Variants in PRMT7 observed in about 807,000 individuals in gnomAD.
The protein encoded by PRMT7 is protein arginine N-methyltransferase 7.
A neutral mutation model predicts 85.4 loss-of-function variants in PRMT7; 75 were observed. That is an observed-to-expected ratio of 0.88 (90% confidence interval 0.73 to 1.06). PRMT7 has a LOEUF of 1.06. Ranked by LOEUF, PRMT7 falls within the 50% of genes least tolerant of loss-of-function variation. The pLI is 0.00. For synonymous variants in PRMT7, 397 were observed against 359.5 expected, an observed-to-expected ratio of 1.10 and a Z score of -1.18; for missense variants, 868 against 915.2, an observed-to-expected ratio of 0.95 and a Z score of 0.67.
intron 17 of PRMT7, 102 bp downstream of exon 17, chr16:68,355,985 G>A: frequency 7.9e-7 from 1 of 1,264,320 alleles, no homozygotes; most frequent in Non-Finnish European, 1.0e-6. Context: ...GCTGACACGT[G>A]GAGGGGGTAT....
rs117881656 is a variant in PRMT7 at position 68,313,307 on chromosome 16, A to T, written c.-84+1131A>T. On this transcript the variant is annotated intron_variant, in intron 2 of 18. Coordinates refer to ENST00000441236, the MANE Select transcript of PRMT7 (RefSeq NM_019023.5). ...GCACGTCTGACACAGGCACATGAAC[A>T]CCCAGTCATCACGCTTATGAACTAC... 2.6e-3 allele frequency among the ~76,000 whole-genome samples: 389 copies of T among 152,290 alleles called. 3 individuals carry two copies. The highest frequency in any genetic ancestry group is 4.8e-3 in the Admixed American group (73 of 15,282).
At chr16:68,311,372 G>A in intron 1 of PRMT7, 1 of 277,842 alleles carries the variant, frequency 3.6e-6, no homozygotes. Context: ...GACCGCAGTA[G>A]CTCCAACCAT....
At chr16:68,323,732 T>C (rs2082774088) in intron 4 of PRMT7, 1 of 152,258 alleles carries the variant, frequency 6.6e-6, no homozygotes, top group Non-Finnish European at 1.5e-5. Context: ...TCTAATGTTA[T>C]TTAACAAATT....
chr16:68,346,006 C>A, intron 10 of PRMT7, 139 bp from the exon 11 acceptor site: 1 of 1,387,570 alleles, frequency 7.2e-7, no homozygotes, highest in Non-Finnish European at 9.8e-7. Flanking sequence ...CTGTTTAGAG[C>A]AGATGCGTAG....
At chr16:68,325,896 G>A (rs959357490) in intron 5 of PRMT7, among the ~76,000 whole-genome samples, 1 of 152,132 alleles carries the variant, frequency 6.6e-6, no homozygotes, top group Non-Finnish European at 1.5e-5. Flanking sequence ...GGGAATGTGC[G>A]GCAAGGTTGA....
chr16:68,331,821 C>A (rs2083952780), intron 6 of PRMT7, among the ~76,000 whole-genome samples: 1 of 152,132 alleles, frequency 6.6e-6, no homozygotes, highest in African/African-American at 2.4e-5. Context: ...CCACTTGATT[C>A]TTTTTCATAA....
At chr16:68,340,036 C>T (rs1296501655) in intron 9 of PRMT7, 68 bp downstream of exon 9, 4 of 1,450,872 alleles carry the variant, frequency 2.8e-6, no homozygotes, top group East Asian at 2.4e-5. Context: ...GGGAAAGTAA[C>T]AGTTGAGCCT....
intron 9 of PRMT7, 109 bp downstream of exon 9, chr16:68,340,077 C>A: frequency 1.6e-6 from 2 of 1,215,966 alleles, no homozygotes; most frequent in South Asian, 1.6e-5. Flanking sequence ...GACAGGAGGG[C>A]TGTGTCAGAA....
downstream of PRMT7, chr16:68,360,687 GGCC>G (rs1253664102): frequency 6.4e-6 from 1 of 156,606 alleles, no homozygotes; most frequent in Non-Finnish European, 1.4e-5. Context: ...GAGAGCTGGT[GGCC>G]GTGCCCAGGA....
At chr16:68,321,365 G>A in intron 3 of PRMT7, 61 bp from the exon 4 acceptor site, 3 of 1,351,582 alleles carry the variant, frequency 2.2e-6, no homozygotes, top group Non-Finnish European at 3.1e-6. Context: ...GTTTATATAT[G>A]TGAATACTCT....
At position 68,357,362 on chromosome 16, in the gene PRMT7, C is replaced by T. The variant is rs1219044060; in HGVS notation, c.*138C>T. The stretch of plus-strand genomic sequence containing the variant: ...GGATGGGAAAGACTGCGCCGTGTTG[C>T]ATCTTGTTGCATCTTTGCACTGCTG... On this transcript the variant is annotated 3_prime_UTR_variant, in exon 19 of 19. Coordinates refer to ENST00000441236, the MANE Select transcript of PRMT7 (RefSeq NM_019023.5). 2 of 876,394 alleles carry T rather than the reference C, an allele frequency of 2.3e-6. No individual in the cohort carries two copies. The highest frequency in any genetic ancestry group is 1.7e-6 in the Non-Finnish European group (1 of 586,062). 54.3% of individuals were successfully genotyped at this position (876,394 alleles called of 1,614,324 possible).
rs750388230 is a variant in PRMT7, at chr16:68,339,493, T to G, written c.676T>G (p.Cys226Gly). ...VESCPGAPSVCDIQLNQVSPA... is the reference protein window; with the variant it reads ...VESCPGAPSVGDIQLNQVSPA... ...GAGCTGCCCTGGCGCACCCTCTGTC[T>G]GTGACATTCAGCTGAACCAGGTGTC... Residue 226 changes from cysteine to glycine, a missense_variant, in exon 8 of 19, where the codon TGT becomes GGT. By Grantham distance (159) the Cys-to-Gly change is radical (BLOSUM62 -3). Coordinates refer to ENST00000441236, the MANE Select transcript of PRMT7 (RefSeq NM_019023.5). 2 of 1,614,094 alleles carry G rather than the reference T, an allele frequency of 1.2e-6. No homozygotes were observed. Among genetic ancestry groups the G allele is most frequent in the African/African-American group, 2.7e-5 (2 of 74,936 alleles).
chr16:68,355,644 G>A, intron 16 of PRMT7, 79 bp from the exon 17 acceptor site: 1 of 1,376,884 alleles, frequency 7.3e-7, no homozygotes, highest in Non-Finnish European at 9.5e-7. Context: ...TGCAGTCAGT[G>A]GGAGCCAAGC....
intron 6 of PRMT7, among the ~76,000 whole-genome samples, chr16:68,333,499 AAAG>A (rs1482581655): frequency 1.4e-4 from 21 of 151,864 alleles, no homozygotes; most frequent in African/African-American, 3.9e-4. Flanking sequence ...AAAAAAAAGA[AAAG>A]AAAAGAAACT....
chr16:68,355,787 G>T lies in PRMT7; in HGVS notation c.1715G>T (p.Arg572Leu), dbSNP rs369482343. 1.2e-6 allele frequency: 2 copies of T among 1,611,338 alleles called. No individual in the cohort carries two copies. Among genetic ancestry groups the T allele is most frequent in the Admixed American group, 1.7e-5 (1 of 59,894 alleles). The change falls in exon 17 of 19, where the codon CGC becomes CTC. Residue 572 changes from arginine (R) to leucine (L), a missense_variant. By Grantham distance (102) the Arg-to-Leu change is moderately radical. Coordinates refer to ENST00000441236, the MANE Select transcript of PRMT7 (RefSeq NM_019023.5). ...CACCCGCTGTGGGAGTACCCATGCCGCAGCCTCTCCGAGCCCTGGCAGATC... is the reference window on the plus strand; with the variant it reads ...CACCCGCTGTGGGAGTACCCATGCCTCAGCCTCTCCGAGCCCTGGCAGATC... ...EPHPLWEYPC[R>L]SLSEPWQILT...
At position 68,356,690 on chromosome 16, in the gene PRMT7, C is replaced by T; in HGVS notation, c.1812-11C>T. ...GTGACTACTTCTGCTGGGCCCCCCT[C>T]TCCTTGACAGGCCCGGGCAGAGCCA... On this transcript the variant is annotated splice_polypyrimidine_tract_variant and intron_variant, in intron 17 of 18. Coordinates refer to ENST00000441236, the MANE Select transcript of PRMT7 (RefSeq NM_019023.5). The T allele has an allele frequency of 6.2e-7, 1 of 1,608,702 alleles. No homozygotes were observed. The highest frequency in any genetic ancestry group is 8.5e-7 in the Non-Finnish European group (1 of 1,177,460).
chr16:68,353,034 G>A (rs2087645172), intron 15 of PRMT7, among the ~76,000 whole-genome samples: 1 of 152,114 alleles, frequency 6.6e-6, no homozygotes, highest in Non-Finnish European at 1.5e-5. Flanking sequence ...GGCCAAAGAG[G>A]GGATGTCACG....
At chr16:68,343,781 T>C (rs1472458840) in intron 9 of PRMT7, among the ~76,000 whole-genome samples, 1 of 152,266 alleles carries the variant, frequency 6.6e-6, no homozygotes. Flanking sequence ...TTTCTAGTTT[T>C]TATGTTCAAG....
intron 9 of PRMT7, among the ~76,000 whole-genome samples, chr16:68,344,370 C>T (rs1230317287): frequency 6.6e-6 from 1 of 152,224 alleles, no homozygotes; most frequent in Non-Finnish European, 1.5e-5. Flanking sequence ...CACTCATGGT[C>T]CTCCCTTTCA....
Sources: allele counts gnomAD v4.1 joint callset (sites outside exome capture counted in the v4.1 genomes callset), GRCh38; gene constraint gnomAD v4.1.1; transcripts MANE v1.5; gene names NCBI Gene and HGNC (gene_info 2026-07-23, HGNC 2026-07-21).